Variants in CLNK observed in about 807,000 individuals in gnomAD.
The protein encoded by CLNK is cytokine-dependent hematopoietic cell linker.
Under a neutral mutation model 68.6 loss-of-function variants are expected in CLNK, and 74 were observed. The observed-to-expected ratio is 1.08, with a 90% CI of 0.89 to 1.31. The LOEUF is 1.31. Ranked by LOEUF, CLNK falls within the 50% of genes most tolerant of loss-of-function variation. The probability of loss-of-function intolerance (pLI) is 0.00; values close to 1 mark genes in which losing one functional copy is unlikely to be tolerated. For missense variants in CLNK, 553 were observed against 515.3 expected, an observed-to-expected ratio of 1.07 and a Z score of -0.71; for synonymous variants, 198 against 172.2, an observed-to-expected ratio of 1.15 and a Z score of -1.17.
intron 2 of CLNK, among the ~76,000 whole-genome samples, chr4:10,648,306 T>G (rs528855961): frequency 5.1e-4 from 78 of 152,336 alleles, no homozygotes; most frequent in African/African-American, 1.8e-3. Flanking sequence ...CCAATTTATC[T>G]GTGTCTCAAA....
At chr4:10,538,897 A>C (rs942063013) in intron 11 of CLNK, among the ~76,000 whole-genome samples, 4 of 152,178 alleles carry the variant, frequency 2.6e-5, no homozygotes, top group African/African-American at 9.7e-5. Context: ...AGGTTGGTTA[A>C]AAATAGTGTT....
chr4:10,673,593 G>A (rs574435397), intron 1 of CLNK, among the ~76,000 whole-genome samples: 8 of 151,150 alleles, frequency 5.3e-5, no homozygotes, highest in South Asian at 2.1e-4. Flanking sequence ...CTGCATGTCC[G>A]CACTCACAGG....
intron 2 of CLNK, among the ~76,000 whole-genome samples, chr4:10,601,751 G>A (rs1425228449): frequency 1.3e-5 from 2 of 152,096 alleles, no homozygotes; most frequent in African/African-American, 4.8e-5. Context: ...AAACATTTGG[G>A]GCCAGCTGCC....
chr4:10,540,311 G>C (rs1718961756), intron 11 of CLNK, among the ~76,000 whole-genome samples, 183 bp downstream of exon 11: 1 of 152,196 alleles, frequency 6.6e-6, no homozygotes, highest in Admixed American at 6.5e-5. Flanking sequence ...GTGAAACTGT[G>C]GGTCAATTAA....
Position 10,558,492 on chromosome 4 carries a change from G to T in CLNK, c.400-40C>A, listed in dbSNP as rs778537706. The stretch of plus-strand genomic sequence containing the variant: ...GAGGCACCATTATCTCTTCAGTTGT[G>T]ACTATGACACTATCTGATGTCTTGA... On this transcript the variant is annotated intron_variant, in intron 7 of 18. Coordinates refer to ENST00000226951, the MANE Select transcript of CLNK (RefSeq NM_052964.4). The T allele has an allele frequency of 6.3e-6, 10 of 1,577,780 alleles. No homozygotes were observed. In the Admixed American group the frequency reaches 1.0e-4, roughly 16 times the overall value.
chr4:10,704,071 C>T, the CLNK span, among the ~76,000 whole-genome samples: 1 of 151,518 alleles, frequency 6.6e-6, no homozygotes, highest in African/African-American at 2.4e-5. Flanking sequence ...AAGGGGTTGG[C>T]CAGGGAAAAC....
chr4:10,712,174 C>A, the CLNK span, among the ~76,000 whole-genome samples: 1 of 152,066 alleles, frequency 6.6e-6, no homozygotes. Flanking sequence ...GAGACCTTTA[C>A]CCCTCATAAA....
intron 12 of CLNK, among the ~76,000 whole-genome samples, chr4:10,530,906 C>A (rs1718507928): frequency 6.6e-6 from 1 of 152,146 alleles, no homozygotes; most frequent in Admixed American, 6.6e-5. Flanking sequence ...TGGTGAAGTC[C>A]TCAGTGGAAC....
chr4:10,533,365 G>T (rs1034227232), intron 11 of CLNK, among the ~76,000 whole-genome samples: 1 of 152,228 alleles, frequency 6.6e-6, no homozygotes, highest in Admixed American at 6.5e-5. Context: ...AGTGGAGTGA[G>T]GGTATATGTT....
chr4:10,626,041 G>A (rs1722657467), intron 2 of CLNK, among the ~76,000 whole-genome samples: 1 of 152,208 alleles, frequency 6.6e-6, no homozygotes, highest in South Asian at 2.1e-4. Flanking sequence ...GAATCTTGGG[G>A]GACATCCTTC....
At chr4:10,650,532 C>T (rs571095094) in intron 2 of CLNK, among the ~76,000 whole-genome samples, 3 of 151,928 alleles carry the variant, frequency 2.0e-5, no homozygotes, top group African/African-American at 2.4e-5. Context: ...CCTTCAAAAG[C>T]TTTTATTTTT....
intron 8 of CLNK, among the ~76,000 whole-genome samples, chr4:10,551,985 T>A (rs1719481775): frequency 6.6e-6 from 1 of 151,864 alleles, no homozygotes; most frequent in South Asian, 2.1e-4. Flanking sequence ...GTAGCTGGGA[T>A]TACAGGTGCG....
At chr4:10,513,858 TA>T (rs1244882643) in intron 15 of CLNK, among the ~76,000 whole-genome samples, 37 of 149,090 alleles carry the variant, frequency 2.5e-4, no homozygotes, top group African/African-American at 7.1e-4. Context: ...ATTATTATTT[TA>T]TTTTTTTTTA....
chr4:10,699,268 C>CACACACACACCACGTATGTGTGTGT, the CLNK span, among the ~76,000 whole-genome samples: 8 of 32,414 alleles, frequency 2.5e-4, no homozygotes, highest in South Asian at 4.7e-3. Context: ...TGTGTATACA[C>CACACACACACCACGTATGTGTGTGT]ACACACACAC....
intron 2 of CLNK, among the ~76,000 whole-genome samples, chr4:10,658,365 C>T (rs1724060542): frequency 6.6e-6 from 1 of 152,230 alleles, no homozygotes; most frequent in Non-Finnish European, 1.5e-5. Flanking sequence ...GATGATATAG[C>T]CAGCCGACAG....
chr4:10,626,358 C>T (rs552448170), intron 2 of CLNK, among the ~76,000 whole-genome samples: 7 of 152,268 alleles, frequency 4.6e-5, no homozygotes, highest in South Asian at 4.2e-4. Flanking sequence ...CTTTTTATTT[C>T]GTTGACCCAC....
Position 10,498,259 on chromosome 4 carries a change from A to C in CLNK, c.1140+2997T>G, listed in dbSNP as rs1397579394. 3.3e-5 allele frequency among the ~76,000 whole-genome samples: 5 copies of C among 152,314 alleles called. No individual in the cohort carries two copies. In the East Asian group the frequency reaches 9.6e-4, roughly 29 times the overall value. On this transcript the variant is annotated intron_variant, in intron 18 of 18. Coordinates refer to ENST00000226951, the MANE Select transcript of CLNK (RefSeq NM_052964.4). ...GTAATCCCAGCACTCTGGGAGGCTG[A>C]GGCGGGCGAATCACGAGGTCAGGAG...
intron 1 of CLNK, among the ~76,000 whole-genome samples, chr4:10,676,288 C>T (rs564453818): frequency 6.6e-6 from 1 of 152,030 alleles, no homozygotes; most frequent in South Asian, 2.1e-4. Flanking sequence ...ATTCTATACC[C>T]CAGTCAGATC....
At chr4:10,552,494 G>C (rs1231189140) in intron 8 of CLNK, among the ~76,000 whole-genome samples, 1 of 151,962 alleles carries the variant, frequency 6.6e-6, no homozygotes, top group Admixed American at 6.6e-5. Context: ...CCAGTTTTTT[G>C]CATGCGTGTC....
Sources: gnomAD v4.1 joint callset for allele counts (sites outside exome capture counted in the v4.1 genomes callset) on GRCh38, gnomAD v4.1.1 for gene constraint, MANE v1.5 for transcripts, NCBI Gene and HGNC (gene_info 2026-07-23, HGNC 2026-07-21) for gene names.